PIEZO2: variants seen among roughly 807,000 people sequenced by gnomAD.
The protein encoded by PIEZO2 is piezo type mechanosensitive ion channel component 2.
PIEZO2 carries 172 observed loss-of-function variants against 337.3 expected under a neutral mutation model. That is an observed-to-expected ratio of 0.51 (90% CI 0.45 to 0.58). PIEZO2 has a LOEUF of 0.58. PIEZO2 is among the 20% of genes least tolerant of loss of function. The pLI, the probability that PIEZO2 is intolerant of heterozygous loss-of-function variation, is 0.00. For missense variants in PIEZO2, 3,028 were observed against 3,391.3 expected, an observed-to-expected ratio of 0.89 and a Z score of 2.66; for synonymous variants, 1,251 against 1,228.5, an observed-to-expected ratio of 1.02 and a Z score of -0.38.
rs963610569 is a variant in PIEZO2, at chr18:11,070,440, G to A, written c.65-4218C>T. ...CTGAAGGAAAGAACACTAAAGAGAG[G>A]CACGAAGGAGGCAGGTGTTTGTCTT... On this transcript the variant is annotated intron_variant, in intron 1 of 55. Transcript: ENST00000674853. The surrounding 1 kb of genome is among the most constrained non-coding windows in gnomAD (Gnocchi z 4.3). Among the ~76,000 whole-genome samples the A allele has an allele frequency of 2.0e-5, 3 of 152,138 alleles. No individual in the cohort carries two copies. Among genetic ancestry groups the A allele is most frequent in the African/African-American group, 7.2e-5 (3 of 41,430 alleles).
intron 12 of PIEZO2, among the ~76,000 whole-genome samples, chr18:10,796,838 C>T (rs1021072337): frequency 2.4e-4 from 36 of 152,120 alleles, no homozygotes; most frequent in African/African-American, 5.8e-4. Context: ...TCATACATAC[C>T]GTCATATCAT....
chr18:10,806,512 G>A (rs1006997587), intron 8 of PIEZO2, among the ~76,000 whole-genome samples: 1 of 151,828 alleles, frequency 6.6e-6, no homozygotes, highest in African/African-American at 2.4e-5. Context: ...AAGAATATTC[G>A]AATCCCCATC....
chr18:10,691,782 C>CACACATATATATATATATATAT, intron 47 of PIEZO2, among the ~76,000 whole-genome samples: 1 of 96,616 alleles, frequency 1.0e-5, no homozygotes, highest in African/African-American at 4.6e-5. Flanking sequence ...CACACACACA[C>CACACATATATATATATATATAT]ATATATATAT....
At chr18:11,040,365 C>A (rs1032006953) in intron 2 of PIEZO2, among the ~76,000 whole-genome samples, 1 of 151,854 alleles carries the variant, frequency 6.6e-6, no homozygotes, top group Non-Finnish European at 1.5e-5. Flanking sequence ...ATCTTAAGTC[C>A]TAACTAAGAA....
intron 47 of PIEZO2, among the ~76,000 whole-genome samples, chr18:10,693,241 A>G (rs1321000608): frequency 6.6e-6 from 1 of 152,168 alleles, no homozygotes; most frequent in African/African-American, 2.4e-5. Flanking sequence ...TGTATCTGCA[A>G]GCTTCCAAAG....
At chr18:10,827,524 C>G (rs1009455995) in intron 7 of PIEZO2, among the ~76,000 whole-genome samples, 1 of 152,130 alleles carries the variant, frequency 6.6e-6, no homozygotes, top group Non-Finnish European at 1.5e-5. Flanking sequence ...TCTGCTCCCC[C>G]TGCCTTTATG....
rs1507052 is a variant in PIEZO2, at chr18:10,982,541, T to C, written c.161-2881A>G. 0.41 allele frequency among the ~76,000 whole-genome samples: 61,721 copies of C among 152,032 alleles called. 13,232 individuals are homozygous for C. The highest frequency in any genetic ancestry group is 0.49 in the Non-Finnish European group (33,160 of 67,954). On this transcript the variant is annotated intron_variant, in intron 2 of 55. Coordinates refer to ENST00000674853, the MANE Select transcript of PIEZO2 (RefSeq NM_001378183.1). The surrounding 1 kb of genome is among the most constrained non-coding windows in gnomAD (Gnocchi z 4.1). Reference sequence around the variant, plus strand: ...TAGAAACTTTTACACCTTTGACAAGTATATTTCAAAATATGTAAGAAAAGA... The same window carrying C: ...TAGAAACTTTTACACCTTTGACAAGCATATTTCAAAATATGTAAGAAAAGA...
rs1318248117 is a variant in PIEZO2, at chr18:10,846,122, G to C, written c.917+9231C>G. On this transcript the variant is annotated intron_variant, in intron 7 of 55. Coordinates refer to ENST00000674853, the MANE Select transcript of PIEZO2 (RefSeq NM_001378183.1). The surrounding 1 kb of genome is among the most constrained non-coding windows in gnomAD (Gnocchi z 4.1). ...TTAGTCCATTGTCACACTGCTGAAAGTGACATACCCAAGACTTGGCAATTT... is the reference window on the plus strand; with the variant it reads ...TTAGTCCATTGTCACACTGCTGAAACTGACATACCCAAGACTTGGCAATTT... Among the ~76,000 whole-genome samples the C allele has an allele frequency of 6.6e-6, 1 of 152,214 alleles. No homozygotes were observed. Among genetic ancestry groups the C allele is most frequent in the Non-Finnish European group, 1.5e-5 (1 of 68,046 alleles).
chr18:10,741,032 G>C lies in PIEZO2; in HGVS notation c.4707C>G (p.Ser1569=). 1 of 1,536,806 alleles carries C rather than the reference G, an allele frequency of 6.5e-7. No homozygotes were observed. The highest frequency in any genetic ancestry group is 8.7e-7 in the Non-Finnish European group (1 of 1,146,524). ...TGTAAGGGGATCGAGAAAACCTACTGGAAGCATGATCAACCCAAGGCCGCC... is the reference window on the plus strand; with the variant it reads ...TGTAAGGGGATCGAGAAAACCTACTCGAAGCATGATCAACCCAAGGCCGCC... ...QWWRPWVDHA[S]MVRSGDYYLF... The change falls in exon 33 of 56, where the codon TCC becomes TCG. Residue 1569 remains serine (S), a splice_region_variant and synonymous_variant. Transcript: ENST00000674853.
Position 11,033,472 on chromosome 18 carries a change from T to C in PIEZO2, c.160+32655A>G, listed in dbSNP as rs2036811647. ...GTGATTAATGTCAAAGTTAGCATAA[T>C]GTTGATTTAGAGAAAGTGACATTTT... On this transcript the variant is annotated intron_variant, in intron 2 of 55. Transcript: ENST00000674853. The surrounding 1 kb of genome is among the most constrained non-coding windows in gnomAD (Gnocchi z 4.2). Among the ~76,000 whole-genome samples, 1 of 152,250 alleles carries C rather than the reference T, an allele frequency of 6.6e-6. No homozygotes were observed. The highest frequency in any genetic ancestry group is 2.4e-5 in the African/African-American group (1 of 41,478).
chr18:10,881,494 C>G (rs1194038027), intron 4 of PIEZO2, among the ~76,000 whole-genome samples: 1 of 152,202 alleles, frequency 6.6e-6, no homozygotes, highest in Non-Finnish European at 1.5e-5. Flanking sequence ...CCATCACTTA[C>G]TTGCCTTTAT....
intron 21 of PIEZO2, among the ~76,000 whole-genome samples, chr18:10,769,252 T>C (rs1000930673): frequency 6.6e-6 from 1 of 152,244 alleles, no homozygotes; most frequent in Non-Finnish European, 1.5e-5. Context: ...TTGGAGCCGC[T>C]GCCATTTCCC....
At position 10,861,256 on chromosome 18, in the gene PIEZO2, G is replaced by T. The variant is rs1054541409; in HGVS notation, c.493-4045C>A. Among the ~76,000 whole-genome samples the T allele has an allele frequency of 2.0e-5, 3 of 152,186 alleles. No individual in the cohort carries two copies. The highest frequency in any genetic ancestry group is 4.4e-5 in the Non-Finnish European group (3 of 68,036). The stretch of plus-strand genomic sequence containing the variant: ...AGGAGGAGGAAAGGCTGTAAATAAA[G>T]ATTTAACTTCCCTGGTTCCTGAGTC... On this transcript the variant is annotated intron_variant, in intron 5 of 55. Transcript: ENST00000674853. This position sits in a 1 kb window ranked among gnomAD's most constrained non-coding sequence, Gnocchi z 4.3.
intron 40 of PIEZO2, 135 bp from the exon 41 acceptor site, chr18:10,705,881 G>A: frequency 8.8e-7 from 1 of 1,137,016 alleles, no homozygotes; most frequent in Non-Finnish European, 1.2e-6. Context: ...CATCTGCTTT[G>A]TTCTTTTAGG....
Position 10,696,268 on chromosome 18 carries a change from G to A in PIEZO2, c.6996C>T (p.Asp2332=). Residue 2332 remains aspartate, a synonymous_variant, in exon 47 of 56, where the codon GAC becomes GAT. Coordinates refer to ENST00000674853, the MANE Select transcript of PIEZO2 (RefSeq NM_001378183.1). ...WAFGKHSAAA[D]ITSSLSEDQV... ...GGTCCTCTGACAGTGAAGAGGTGAT[G>A]TCTGCAGCTGCTGAGTGTTTCTGGG... is the stretch of plus-strand genomic sequence containing the variant. The A allele has an allele frequency of 6.2e-7, 1 of 1,614,220 alleles. No homozygotes were observed.
intron 3 of PIEZO2, among the ~76,000 whole-genome samples, chr18:10,926,518 A>G (rs549566814): frequency 1.3e-5 from 2 of 152,306 alleles, no homozygotes; most frequent in Admixed American, 6.5e-5. Context: ...TAAATCAACT[A>G]CAGAAAAAAG....
At chr18:10,848,713 T>C (rs1351696028) in intron 7 of PIEZO2, among the ~76,000 whole-genome samples, 2 of 152,208 alleles carry the variant, frequency 1.3e-5, no homozygotes, top group African/African-American at 4.8e-5. Flanking sequence ...TGAGTTGGAA[T>C]GAAAGCCAGT....
intron 43 of PIEZO2, among the ~76,000 whole-genome samples, chr18:10,700,280 G>A (rs1462116112): frequency 6.6e-6 from 1 of 152,028 alleles, no homozygotes; most frequent in African/African-American, 2.4e-5. Flanking sequence ...ATGGTTTCAA[G>A]CACTTTTGAA....
chr18:10,675,503 G>C (rs1236227516), intron 53 of PIEZO2, among the ~76,000 whole-genome samples: 1 of 152,200 alleles, frequency 6.6e-6, no homozygotes, highest in Non-Finnish European at 1.5e-5. Context: ...GTATCTGCAT[G>C]TAAGTCTGTA....
Sources: gnomAD v4.1 joint callset for allele counts (sites outside exome capture counted in the v4.1 genomes callset) on GRCh38, gnomAD v4.1.1 for gene constraint, Gnocchi (gnomAD v3.1) non-coding constraint, MANE v1.5 for transcripts, NCBI Gene and HGNC (gene_info 2026-07-23, HGNC 2026-07-21) for gene names.